Variants in TUBB8 observed in about 807,000 individuals in gnomAD.
TUBB8 encodes the protein tubulin beta 8 class VIII, also known as tubulin beta-8 chain.
In TUBB8, 25 loss-of-function variants were observed where a neutral mutation model predicts 33.7. That is an observed-to-expected ratio of 0.74 (90% CI 0.54 to 1.04). TUBB8 has a LOEUF of 1.04. Ranked by LOEUF, TUBB8 falls within the 50% of genes least tolerant of loss-of-function variation. The probability of loss-of-function intolerance (pLI) is 0.00; values close to 1 mark genes in which losing one functional copy is unlikely to be tolerated. For missense variants in TUBB8, 279 were observed against 608.0 expected, an observed-to-expected ratio of 0.46 and a Z score of 5.69; for synonymous variants, 245 against 240.1, an observed-to-expected ratio of 1.02 and a Z score of -0.19.
At chr10:53,435 G>T (rs1304615510), upstream of TUBB8, among the ~76,000 whole-genome samples, 21 of 149,874 alleles carry the variant, frequency 1.4e-4, no homozygotes, top group Admixed American at 2.7e-4. Flanking sequence ...GCCACAATGA[G>T]GCTTTTAAAT....
At chr10:51,528 T>C (rs1320269824), upstream of TUBB8, among the ~76,000 whole-genome samples, 1 of 152,216 alleles carries the variant, frequency 6.6e-6, no homozygotes, top group Non-Finnish European at 1.5e-5. Flanking sequence ...CAATTAAACC[T>C]CTTTTCTTTA....
intron 1 of TUBB8, among the ~76,000 whole-genome samples, chr10:60,620 T>C (rs1192937875): frequency 6.6e-6 from 1 of 152,184 alleles, no homozygotes; most frequent in African/African-American, 2.4e-5. Flanking sequence ...ACTTTTACAC[T>C]GTTGGTGGGA....
At chr10:51,449 TG>T (rs1446862606), upstream of TUBB8, among the ~76,000 whole-genome samples, 14 of 152,342 alleles carry the variant, frequency 9.2e-5, no homozygotes, top group Middle Eastern at 3.4e-3. Flanking sequence ...ATGTAGAAGA[TG>T]TAACTTTGTT....
chr10:59,642 A>G (rs1174828476), intron 1 of TUBB8, among the ~76,000 whole-genome samples: 2 of 152,208 alleles, frequency 1.3e-5, no homozygotes, highest in Non-Finnish European at 2.9e-5. Flanking sequence ...TTTTGCATCA[A>G]TATTCTCAAA....
At chr10:75,227 T>C (rs1834795445), upstream of TUBB8, among the ~76,000 whole-genome samples, 1 of 151,746 alleles carries the variant, frequency 6.6e-6, no homozygotes, top group Non-Finnish European at 1.5e-5. Flanking sequence ...CTGGTGCCTA[T>C]ACTCCTAACT....
chr10:49,087 G>A lies in TUBB8; in HGVS notation c.57+95C>T. The A allele has an allele frequency of 7.1e-6, 10 of 1,400,024 alleles. No individual in the cohort carries two copies. In the African/African-American group the frequency reaches 8.6e-5, roughly 12 times the overall value. 86.7% of individuals were successfully genotyped at this position (1,400,024 alleles called of 1,614,324 possible). ...CACCGTCCCCGGCAGGGAGCCCAGG[G>A]GCCGCAATGCATGGGCACCGCCCCC... On this transcript the variant is annotated intron_variant, in intron 1 of 3. Coordinates refer to ENST00000568584, the MANE Select transcript of TUBB8 (RefSeq NM_177987.3).
rs1554737993 is a variant in TUBB8, at chr10:47,189, C to A, written c.1203G>T (p.Glu401Asp). 6.2e-7 allele frequency: 1 copy of A among 1,611,968 alleles called. No individual in the cohort carries two copies. Among genetic ancestry groups the A allele is most frequent in the Admixed American group, 1.7e-5 (1 of 59,960 alleles). Residue 401 changes from glutamate to aspartate, a missense_variant, in exon 4 of 4, where the codon GAG becomes GAT. Glu to Asp is a conservative substitution (Grantham distance 45). Coordinates refer to ENST00000568584, the MANE Select transcript of TUBB8 (RefSeq NM_177987.3). ...RKAFLHWYTG[E>D]GMDEMEFTEA... Reference sequence around the variant, plus strand: ...CGGTGAATTCCATCTCATCCATGCCCTCGCCCGTGTACCAGTGGAGGAAGG... The same window carrying A: ...CGGTGAATTCCATCTCATCCATGCCATCGCCCGTGTACCAGTGGAGGAAGG...
chr10:76,331 G>C (rs536815935), upstream of TUBB8, among the ~76,000 whole-genome samples: 227 of 152,228 alleles, frequency 1.5e-3, no homozygotes, highest in African/African-American at 5.1e-3. Context: ...ATCTTGTCCT[G>C]TGCTGGGGGT....
chr10:55,356 G>C (rs1488909640), intron 1 of TUBB8, among the ~76,000 whole-genome samples: 1 of 152,170 alleles, frequency 6.6e-6, no homozygotes, highest in African/African-American at 2.4e-5. Flanking sequence ...TGAGATTTGG[G>C]TGGGGACACA....
chr10:69,047 G>C (rs1479681215), intron 1 of TUBB8, among the ~76,000 whole-genome samples: 6 of 152,216 alleles, frequency 3.9e-5, no homozygotes, highest in African/African-American at 1.4e-4. Context: ...ACCAGAAAGA[G>C]CACAATCCCC....
chr10:55,071 T>C (rs1253475385), intron 1 of TUBB8, among the ~76,000 whole-genome samples: 1 of 152,204 alleles, frequency 6.6e-6, no homozygotes, highest in African/African-American at 2.4e-5. Context: ...GGGTAATTTA[T>C]AAAGGAAATA....
upstream of TUBB8, among the ~76,000 whole-genome samples, chr10:74,803 A>C (rs1309284644): frequency 4.0e-5 from 6 of 151,562 alleles, no homozygotes; most frequent in Non-Finnish European, 8.8e-5. Flanking sequence ...AGGTGTAAGG[A>C]TCACTTGAGC....
At position 69,558 on chromosome 10, in the gene TUBB8, T is replaced by C. The variant is rs550968004; in HGVS notation, c.-846+4411A>G. 2.6e-5 allele frequency among the ~76,000 whole-genome samples: 4 copies of C among 152,238 alleles called. No individual in the cohort carries two copies. In the East Asian group the frequency reaches 7.7e-4, roughly 29 times the overall value. On this transcript the variant is annotated intron_variant, in intron 1 of 3. Transcript: ENST00000564130. Reference sequence around the variant, plus strand: ...ATGGAACCAAAGTCCATGTATGAGATAATTAGGAAAGAAAAACGAAATCTC... The same window carrying C: ...ATGGAACCAAAGTCCATGTATGAGACAATTAGGAAAGAAAAACGAAATCTC...
At chr10:55,996 G>A (rs1224556396) in intron 1 of TUBB8, among the ~76,000 whole-genome samples, 1 of 152,186 alleles carries the variant, frequency 6.6e-6, no homozygotes, top group Non-Finnish European at 1.5e-5. Context: ...ATATATTTCA[G>A]ATTTTTTTTC....
At chr10:58,107 A>AATTTG in intron 1 of TUBB8, among the ~76,000 whole-genome samples, 1 of 152,224 alleles carries the variant, frequency 6.6e-6, no homozygotes, top group Admixed American at 6.5e-5. Context: ...ACTTTTATAT[A>AATTTG]TCCCTAGGGC....
upstream of TUBB8, chr10:49,452 T>G: frequency 1.6e-6 from 1 of 618,008 alleles, no homozygotes; most frequent in South Asian, 1.6e-5. Context: ...AGCTCAGGTG[T>G]CCTTGCGTGG....
chr10:63,774 C>T (rs1450266218), intron 1 of TUBB8, among the ~76,000 whole-genome samples: 1 of 152,152 alleles, frequency 6.6e-6, no homozygotes, highest in African/African-American at 2.4e-5. Flanking sequence ...CTCTATTTTT[C>T]CAGGATTTGC....
chr10:75,817 T>C (rs1834805881), upstream of TUBB8, among the ~76,000 whole-genome samples: 2 of 151,976 alleles, frequency 1.3e-5, no homozygotes, highest in South Asian at 4.2e-4. Context: ...CTGCGTTGTT[T>C]CCACTACGTT....
chr10:65,038 C>T (rs188765180), intron 1 of TUBB8, among the ~76,000 whole-genome samples: 93 of 151,216 alleles, frequency 6.2e-4, no homozygotes, highest in African/African-American at 2.2e-3. Context: ...TTCCCAGCTA[C>T]TTGGAAGGCT....
Sources: allele counts gnomAD v4.1 joint callset (sites outside exome capture counted in the v4.1 genomes callset), GRCh38; gene constraint gnomAD v4.1.1; transcripts MANE v1.5; gene names NCBI Gene and HGNC (gene_info 2026-07-23, HGNC 2026-07-21).